FOXP2: variants seen among roughly 807,000 people sequenced by gnomAD.
FOXP2 encodes forkhead box protein P2.
Under a neutral mutation model 115.8 loss-of-function variants are expected in FOXP2, and 12 were observed. That is an observed-to-expected ratio of 0.10 (90% CI 0.07 to 0.17). FOXP2 has a LOEUF of 0.17. FOXP2 is among the 10% of genes least tolerant of loss of function. FOXP2 has a pLI of 1.00. For synonymous variants in FOXP2, 328 were observed against 297.7 expected (o/e 1.10, Z -1.05); for missense variants, 629 against 843.5 (o/e 0.75, Z 3.15).
intron 2 of FOXP2, among the ~76,000 whole-genome samples, chr7:114,384,598 C>T (rs2129192663): frequency 6.6e-6 from 1 of 152,088 alleles, no homozygotes; most frequent in East Asian, 1.9e-4. Flanking sequence ...CTGGTCGGAC[C>T]TTTGTGTGGT....
At chr7:114,163,659 A>G (rs1792897425) in intron 1 of FOXP2, among the ~76,000 whole-genome samples, 1 of 152,196 alleles carries the variant, frequency 6.6e-6, no homozygotes, top group African/African-American at 2.4e-5. Flanking sequence ...AACTTAAAAG[A>G]TATGTATTAA....
intron 1 of FOXP2, among the ~76,000 whole-genome samples, chr7:114,089,463 T>C (rs2129138746): frequency 6.6e-6 from 1 of 152,176 alleles, no homozygotes; most frequent in East Asian, 1.9e-4. Flanking sequence ...ATATATTAAT[T>C]ATGAACTATT....
chr7:114,658,767 A>T (rs978228586), intron 11 of FOXP2, among the ~76,000 whole-genome samples: 4 of 152,156 alleles, frequency 2.6e-5, no homozygotes, highest in Non-Finnish European at 5.9e-5. Context: ...CAAACTTTGC[A>T]TTTGCATGGA....
chr7:114,324,518 GT>G (rs113091801), intron 2 of FOXP2, among the ~76,000 whole-genome samples: 15 of 151,800 alleles, frequency 9.9e-5, no homozygotes, highest in Admixed American at 5.2e-4. Flanking sequence ...TGATATTGAG[GT>G]TTTTTTCTCT....
At chr7:114,314,718 A>G (rs921184849) in intron 2 of FOXP2, among the ~76,000 whole-genome samples, 1 of 152,198 alleles carries the variant, frequency 6.6e-6, no homozygotes, top group Non-Finnish European at 1.5e-5. Context: ...ATGTGACCAC[A>G]TTATAAATTT....
intron 1 of FOXP2, among the ~76,000 whole-genome samples, chr7:114,181,271 T>C (rs1280240378): frequency 3.6e-5 from 3 of 83,840 alleles, no homozygotes; most frequent in Non-Finnish European, 1.1e-4. Flanking sequence ...TTTATCCTAA[T>C]AAATTAATAT....
chr7:114,577,086 G>A lies in FOXP2; in HGVS notation c.258+42380G>A, dbSNP rs141809057. Among the ~76,000 whole-genome samples, 459 of 151,978 alleles carry A rather than the reference G, an allele frequency of 3.0e-3. 3 individuals are homozygous for A. The highest frequency in any genetic ancestry group is 0.01 in the African/African-American group (431 of 41,502). Reference sequence around the variant, plus strand: ...TAGATTTGTAATTTTCATTAGGTGAGTGAATTGTTTGTTATGCATAGGATT... The same window carrying A: ...TAGATTTGTAATTTTCATTAGGTGAATGAATTGTTTGTTATGCATAGGATT... On this transcript the variant is annotated intron_variant, in intron 3 of 16. Transcript: ENST00000350908.
intron 2 of FOXP2, among the ~76,000 whole-genome samples, chr7:114,347,854 A>G (rs957144302): frequency 6.6e-6 from 1 of 152,066 alleles, no homozygotes; most frequent in Non-Finnish European, 1.5e-5. Flanking sequence ...TTTGGTTAAT[A>G]TAAATGTTGC....
chr7:114,255,329 G>A (rs1384391976), intron 1 of FOXP2, among the ~76,000 whole-genome samples: 2 of 152,164 alleles, frequency 1.3e-5, no homozygotes, highest in Non-Finnish European at 1.5e-5. Flanking sequence ...GTCAGACAGG[G>A]ACATTTAAGT....
At chr7:114,583,072 T>A (rs1480910039) in intron 3 of FOXP2, among the ~76,000 whole-genome samples, 1 of 152,036 alleles carries the variant, frequency 6.6e-6, no homozygotes, top group African/African-American at 2.4e-5. Context: ...GCTCTTAGAG[T>A]CCACAGTTGA....
At chr7:114,319,447 G>A (rs1256700506) in intron 2 of FOXP2, among the ~76,000 whole-genome samples, 1 of 152,228 alleles carries the variant, frequency 6.6e-6, no homozygotes, top group East Asian at 1.9e-4. Flanking sequence ...AGAAGAAAGA[G>A]GTTTATTGGA....
intron 1 of FOXP2, among the ~76,000 whole-genome samples, chr7:114,420,060 T>C (rs1315951082): frequency 6.6e-6 from 1 of 151,822 alleles, no homozygotes; most frequent in Non-Finnish European, 1.5e-5. Flanking sequence ...AGAGCTGTAT[T>C]ATGCTCAGGA....
intron 3 of FOXP2, among the ~76,000 whole-genome samples, chr7:114,548,188 G>A (rs1185163426): frequency 6.6e-6 from 1 of 152,170 alleles, no homozygotes; most frequent in East Asian, 1.9e-4. Flanking sequence ...AAACAGAAAG[G>A]GCAAAATAAA....
chr7:114,650,237 C>A (rs938441877), intron 8 of FOXP2, among the ~76,000 whole-genome samples: 4 of 151,996 alleles, frequency 2.6e-5, no homozygotes, highest in African/African-American at 9.7e-5. Context: ...TGTAGAAAAT[C>A]ATTTTAAAAA....
At chr7:114,519,252 C>T (rs1284068466) in intron 2 of FOXP2, among the ~76,000 whole-genome samples, 1 of 152,150 alleles carries the variant, frequency 6.6e-6, no homozygotes, top group Non-Finnish European at 1.5e-5. Context: ...AAGATTTTGA[C>T]AAGATCCCTT....
intron 3 of FOXP2, among the ~76,000 whole-genome samples, chr7:114,579,140 A>G (rs1801715128): frequency 6.6e-6 from 1 of 152,150 alleles, no homozygotes; most frequent in African/African-American, 2.4e-5. Context: ...ATAAATATGT[A>G]TTAACAATTA....
chr7:114,682,873 G>A (rs1447124898), intron 16 of FOXP2, among the ~76,000 whole-genome samples: 1 of 152,096 alleles, frequency 6.6e-6, no homozygotes, highest in Non-Finnish European at 1.5e-5. Flanking sequence ...TTATTGAAAA[G>A]TATTCCACCA....
chr7:114,419,648 C>T (rs1336670651), intron 1 of FOXP2, among the ~76,000 whole-genome samples: 2 of 151,100 alleles, frequency 1.3e-5, no homozygotes, highest in East Asian at 2.0e-4. Flanking sequence ...TCAAGAATAA[C>T]GTATAAACTA....
chr7:114,506,973 C>T (rs1356187646), intron 2 of FOXP2, among the ~76,000 whole-genome samples: 2 of 151,646 alleles, frequency 1.3e-5, no homozygotes, highest in Non-Finnish European at 2.9e-5. Flanking sequence ...CATATCAGGC[C>T]TTTAAAAGTA....
Sources: allele counts gnomAD v4.1 joint callset (sites outside exome capture counted in the v4.1 genomes callset), GRCh38; gene constraint gnomAD v4.1.1; transcripts MANE v1.5; gene names NCBI Gene and HGNC (gene_info 2026-07-23, HGNC 2026-07-21).